The following RSRC1 variants were observed in gnomAD, a reference collection of about 807,000 sequenced individuals.
RSRC1 encodes serine/Arginine-related protein 53.
In RSRC1, 39 loss-of-function variants were observed where a neutral mutation model predicts 49.1. That is an observed-to-expected ratio of 0.79 (90% CI 0.61 to 1.04). The LOEUF (loss-of-function observed/expected upper bound fraction) is 1.04. Among genes scored for constraint, RSRC1 ranks in the 50% least tolerant of loss-of-function variants. RSRC1 has a pLI of 0.00. For missense variants in RSRC1, 388 were observed against 402.4 expected (o/e 0.96, Z 0.31); for synonymous variants, 143 against 130.8 (o/e 1.09, Z -0.63).
intron 7 of RSRC1, among the ~76,000 whole-genome samples, chr3:158,473,072 T>C (rs1266016862): frequency 6.6e-6 from 1 of 152,120 alleles, no homozygotes; most frequent in East Asian, 1.9e-4. Flanking sequence ...GGTGGGACTG[T>C]AAACTAGTTC....
intron 4 of RSRC1, among the ~76,000 whole-genome samples, chr3:158,248,415 C>T (rs1724023300): frequency 6.6e-6 from 1 of 152,014 alleles, no homozygotes; most frequent in African/African-American, 2.4e-5. Context: ...AAATGTATCA[C>T]ATTTTGTTTT....
intron 6 of RSRC1, among the ~76,000 whole-genome samples, chr3:158,359,892 C>G (rs116671456): frequency 6.6e-6 from 1 of 152,290 alleles, no homozygotes; most frequent in Non-Finnish European, 1.5e-5. Context: ...AGCAATAGAA[C>G]AGCTCAGAGG....
chr3:158,515,657 T>G (rs890304212), intron 7 of RSRC1, among the ~76,000 whole-genome samples: 1 of 139,142 alleles, frequency 7.2e-6, no homozygotes, highest in Non-Finnish European at 1.5e-5. Context: ...CCTTGCTAGA[T>G]TGGGGAAGTT....
intron 5 of RSRC1, among the ~76,000 whole-genome samples, chr3:158,334,631 A>G (rs1249879466): frequency 3.5e-5 from 5 of 144,086 alleles, no homozygotes; most frequent in Admixed American, 7.0e-5. Context: ...TAGGCACATG[A>G]CACCACACCC....
chr3:158,458,296 T>C (rs1252237557), intron 6 of RSRC1, among the ~76,000 whole-genome samples: 2 of 152,102 alleles, frequency 1.3e-5, no homozygotes, highest in African/African-American at 4.8e-5. Context: ...CACTGTTTCA[T>C]AGGGAGCCTC....
In RSRC1 at chr3:158,157,044, AT is replaced by A. The variant is rs766985602; in HGVS notation, c.320+33054del. Among the ~76,000 whole-genome samples the A allele has an allele frequency of 2.0e-5, 3 of 152,210 alleles. No homozygotes were observed. The South Asian group carries it at 6.2e-4, about 31-fold the overall frequency. ...AAAGCAGAGTAAAGTAAAAAGAGAT[AT>A]GCCTGTACGTTATTTAGCAAACAGC... On this transcript the variant is annotated intron_variant, in intron 3 of 9. Coordinates refer to ENST00000611884, the MANE Select transcript of RSRC1 (RefSeq NM_001271838.2).
At chr3:158,148,354 T>C (rs1022752603) in intron 3 of RSRC1, among the ~76,000 whole-genome samples, 3 of 110,388 alleles carry the variant, frequency 2.7e-5, no homozygotes, top group African/African-American at 1.2e-4. Context: ...TTAAAAGGTG[T>C]GTGTGTGTGT....
rs147209285 is a variant in RSRC1, at chr3:158,408,329, T to G, written c.584-52606T>G. Among the ~76,000 whole-genome samples, 7 of 152,316 alleles carry G rather than the reference T, an allele frequency of 4.6e-5. No individual in the cohort carries two copies. In the East Asian group the frequency reaches 1.4e-3, roughly 29 times the overall value. ...AGAAGTCAAAGAGTAAACATAAGCATGATTTATTACTGCTAAATTTAGTCA... is the reference window on the plus strand; with the variant it reads ...AGAAGTCAAAGAGTAAACATAAGCAGGATTTATTACTGCTAAATTTAGTCA... On this transcript the variant is annotated intron_variant, in intron 6 of 9. Coordinates refer to ENST00000611884, the MANE Select transcript of RSRC1 (RefSeq NM_001271838.2).
chr3:158,241,900 A>G (rs1409754576), intron 4 of RSRC1, among the ~76,000 whole-genome samples: 1 of 152,132 alleles, frequency 6.6e-6, no homozygotes, highest in African/African-American at 2.4e-5. Flanking sequence ...TATGTAATAA[A>G]ATACACCCAT....
At chr3:158,275,843 CT>C (rs1725780163) in intron 4 of RSRC1, 1 of 544,574 alleles carries the variant, frequency 1.8e-6, no homozygotes. Context: ...AGTATTGCGC[CT>C]TCTCCAAGCT....
chr3:158,334,870 A>G (rs1729798607), intron 5 of RSRC1, among the ~76,000 whole-genome samples: 2 of 152,120 alleles, frequency 1.3e-5, no homozygotes, highest in African/African-American at 2.4e-5. Context: ...ATGTGTAGCC[A>G]TTACAAATAC....
At chr3:158,368,484 C>T (rs553954239) in intron 6 of RSRC1, among the ~76,000 whole-genome samples, 119 of 152,190 alleles carry the variant, frequency 7.8e-4, no homozygotes, top group Non-Finnish European at 1.2e-3. Flanking sequence ...TTATGCCCTG[C>T]GGGCTGACAG....
At chr3:158,499,417 G>C (rs1352297369) in intron 7 of RSRC1, among the ~76,000 whole-genome samples, 1 of 151,858 alleles carries the variant, frequency 6.6e-6, no homozygotes, top group Non-Finnish European at 1.5e-5. Context: ...ATTCTGTGAA[G>C]AATGATGGTG....
chr3:158,121,117 A>C (rs1302821910), intron 1 of RSRC1, among the ~76,000 whole-genome samples: 1 of 151,982 alleles, frequency 6.6e-6, no homozygotes, highest in Non-Finnish European at 1.5e-5. Flanking sequence ...TCATATGTAC[A>C]TATTTTCTTA....
Position 158,309,707 on chromosome 3 carries a change from A to G in RSRC1, c.531+11632A>G, listed in dbSNP as rs565940855. On this transcript the variant is annotated intron_variant, in intron 5 of 9. Coordinates refer to ENST00000611884, the MANE Select transcript of RSRC1 (RefSeq NM_001271838.2). Reference sequence around the variant, plus strand: ...ATAATTTTATTTATATATTGTCAAAACAGTTTTATCAAAATAGCTACCCGA... The same window carrying G: ...ATAATTTTATTTATATATTGTCAAAGCAGTTTTATCAAAATAGCTACCCGA... Among the ~76,000 whole-genome samples the G allele has an allele frequency of 2.4e-4, 36 of 151,858 alleles. 1 individual carries two copies. Among genetic ancestry groups the G allele is most frequent in the African/African-American group, 8.4e-4 (35 of 41,530 alleles).
At chr3:158,361,421 G>A (rs552693530) in intron 6 of RSRC1, among the ~76,000 whole-genome samples, 45 of 152,270 alleles carry the variant, frequency 3.0e-4, no homozygotes, top group Non-Finnish European at 5.3e-4. Context: ...GTCTCAACCA[G>A]CCATAGGAGG....
chr3:158,474,519 A>G (rs536233574), intron 7 of RSRC1, among the ~76,000 whole-genome samples: 12 of 152,294 alleles, frequency 7.9e-5, no homozygotes, highest in Admixed American at 2.6e-4. Flanking sequence ...AAATAAGACA[A>G]CAATGAAGTT....
intron 5 of RSRC1, among the ~76,000 whole-genome samples, chr3:158,328,619 C>A (rs185245787): frequency 8.5e-5 from 13 of 152,340 alleles, no homozygotes; most frequent in African/African-American, 3.1e-4. Flanking sequence ...GTCTGATGGG[C>A]TTCCCTTTGT....
intron 3 of RSRC1, among the ~76,000 whole-genome samples, chr3:158,198,732 A>T (rs1720823502): frequency 6.6e-6 from 1 of 152,130 alleles, no homozygotes; most frequent in Non-Finnish European, 1.5e-5. Flanking sequence ...GGAAATGCAG[A>T]AATCACCCAT....
Sources: allele counts gnomAD v4.1 joint callset (sites outside exome capture counted in the v4.1 genomes callset), GRCh38; gene constraint gnomAD v4.1.1; transcripts MANE v1.5; gene names NCBI Gene and HGNC (gene_info 2026-07-23, HGNC 2026-07-21).